The following NAV3 variants were observed in gnomAD, a reference collection of about 807,000 sequenced individuals.
The protein encoded by NAV3 is neuron navigator 3, also known as pore membrane and/or filament interacting like protein 1.
In NAV3, 87 loss-of-function variants were observed where a neutral mutation model predicts 244.7. The ratio of observed to expected loss-of-function variants is 0.36; its 90% CI spans 0.30 to 0.42. The LOEUF is 0.42. Ranked by LOEUF, NAV3 falls within the 20% of genes least tolerant of loss-of-function variation. The pLI is 1.00. For synonymous variants in NAV3, 1,126 were observed against 1,042.2 expected (o/e 1.08, Z -1.55); for missense variants, 2,663 against 2,893.3 (o/e 0.92, Z 1.83).
chr12:78,126,749 G>A (rs964504556), intron 16 of NAV3, among the ~76,000 whole-genome samples: 2 of 152,048 alleles, frequency 1.3e-5, no homozygotes, highest in East Asian at 1.9e-4. Context: ...ATTAAACAAT[G>A]TTTTATACCA....
chr12:77,638,306 C>T (rs1426521091), intron 2 of NAV3, among the ~76,000 whole-genome samples: 1 of 152,180 alleles, frequency 6.6e-6, no homozygotes, highest in African/African-American at 2.4e-5. Context: ...TGGGATTTCT[C>T]TTCATAGATC....
chr12:77,974,457 AT>A (rs200654335), intron 5 of NAV3, among the ~76,000 whole-genome samples: 2,307 of 142,010 alleles, frequency 0.016, 50 homozygotes, highest in African/African-American at 0.051. Flanking sequence ...GTTTATTATT[AT>A]TTTTTTTTTT....
intron 9 of NAV3, among the ~76,000 whole-genome samples, chr12:78,031,922 C>T (rs909786246): frequency 6.6e-6 from 1 of 151,796 alleles, no homozygotes; most frequent in African/African-American, 2.4e-5. Flanking sequence ...GAGAAGTGGT[C>T]TCTTTTTCCA....
intron 2 of NAV3, among the ~76,000 whole-genome samples, chr12:77,801,289 T>C (rs1435814374): frequency 6.6e-6 from 1 of 152,166 alleles, no homozygotes; most frequent in Non-Finnish European, 1.5e-5. Flanking sequence ...TTAAATATAC[T>C]GTCTTTTATA....
chr12:77,635,621 A>G (rs1872123412), intron 2 of NAV3, among the ~76,000 whole-genome samples: 1 of 152,222 alleles, frequency 6.6e-6, no homozygotes, highest in African/African-American at 2.4e-5. Context: ...ATTGGGACTG[A>G]TTAATTTATC....
In NAV3 at chr12:77,843,765, T is replaced by C. The variant is rs1876127084; in HGVS notation, c.243+12061T>C. On this transcript the variant is annotated intron_variant, in intron 1 of 39. Coordinates refer to ENST00000397909, the MANE Select transcript of NAV3 (RefSeq NM_001024383.2). ...CAAAAATATATCCAGACAATGCCAA[T>C]GCCAAACATCTCACAAAGGGCGGGG... Among the ~76,000 whole-genome samples the C allele has an allele frequency of 2.0e-5, 3 of 151,928 alleles. No homozygotes were observed. The South Asian group carries it at 6.2e-4, about 32-fold the overall frequency.
chr12:77,583,172 C>A (rs1042678209), intron 2 of NAV3, among the ~76,000 whole-genome samples: 1 of 152,234 alleles, frequency 6.6e-6, no homozygotes, highest in African/African-American at 2.4e-5. Flanking sequence ...ATCAATAATT[C>A]TGCCTGCTTT....
chr12:78,024,218 G>T (rs1877622196), intron 9 of NAV3, among the ~76,000 whole-genome samples: 1 of 151,954 alleles, frequency 6.6e-6, no homozygotes, highest in South Asian at 2.1e-4. Flanking sequence ...TAACTCCATT[G>T]CCTCTCTCTC....
chr12:78,026,016 A>G lies in NAV3; in HGVS notation c.2023+4154A>G, dbSNP rs186964977. Among the ~76,000 whole-genome samples the G allele has an allele frequency of 2.3e-3, 349 of 152,276 alleles. 1 individual carries two copies. The highest frequency in any genetic ancestry group is 7.6e-3 in the African/African-American group (317 of 41,568). ...AGATACTTGATTTTCAGAGTCATGT[A>G]TCCCCTCTGTTTTCCTCAAACCTTA... On this transcript the variant is annotated intron_variant, in intron 9 of 39. Transcript: ENST00000397909.
intron 2 of NAV3, among the ~76,000 whole-genome samples, chr12:77,642,285 A>G (rs1428525750): frequency 6.6e-6 from 1 of 151,868 alleles, no homozygotes; most frequent in Non-Finnish European, 1.5e-5. Context: ...ATCTTTAATT[A>G]TTATTTTTTT....
chr12:77,661,105 G>A (rs371109065), intron 2 of NAV3, among the ~76,000 whole-genome samples: 1 of 152,074 alleles, frequency 6.6e-6, no homozygotes, highest in Non-Finnish European at 1.5e-5. Flanking sequence ...TTTTTCTGGA[G>A]AGAGATTGTT....
chr12:78,190,074 A>G lies in NAV3; in HGVS notation c.6146A>G (p.His2049Arg). ...AGGTACTTTAACTTGTTGATGGAGC[A>G]TCACAGAATTATACTCTCAGGACCG... Reference protein sequence around the residue: ...TQRYFNLLMEHHRIILSGPSG... With the variant: ...TQRYFNLLMERHRIILSGPSG... Residue 2049 changes from histidine (H) to arginine (R), a missense_variant, in exon 34 of 40, where the codon CAT (histidine) becomes CGT (arginine). His to Arg is a conservative substitution (Grantham distance 29). Around this residue, in one of 6 missense-constraint regions of NAV3, gnomAD observed 543 missense variants for 672.4 expected, o/e 0.81. Coordinates refer to ENST00000397909, the MANE Select transcript of NAV3 (RefSeq NM_001024383.2). 6.2e-7 allele frequency: 1 copy of G among 1,613,250 alleles called. No homozygotes were observed.
rs948727252 is a variant in NAV3, at chr12:78,187,695, G to T, written c.5791-553G>T. ...ATAAATTCAAAATGGAACCTGTTTT[G>T]TAGGTATGCAAATACCTTATATTAT... On this transcript the variant is annotated intron_variant, in intron 31 of 39. Coordinates refer to ENST00000397909, the MANE Select transcript of NAV3 (RefSeq NM_001024383.2). 4.5e-4 allele frequency among the ~76,000 whole-genome samples: 69 copies of T among 151,820 alleles called. 1 individual carries two copies. The highest frequency in any genetic ancestry group is 2.0e-4 in the Admixed American group (3 of 15,176).
At chr12:78,116,602 C>A (rs1955391392) in intron 12 of NAV3, among the ~76,000 whole-genome samples, 170 bp from the exon 13 acceptor site, 2 of 152,056 alleles carry the variant, frequency 1.3e-5, no homozygotes, top group African/African-American at 4.8e-5. Context: ...TATGTAGACC[C>A]TCAGTTCATA....
chr12:77,635,552 A>G (rs2369830), intron 2 of NAV3, among the ~76,000 whole-genome samples: 15,884 of 152,100 alleles, frequency 0.1, 1,892 homozygotes, highest in African/African-American at 0.29. Flanking sequence ...AATACGGGGG[A>G]TGTTTTCAGA....
chr12:77,621,573 C>T (rs946763210), intron 2 of NAV3, among the ~76,000 whole-genome samples: 3 of 147,826 alleles, frequency 2.0e-5, no homozygotes, highest in Admixed American at 6.7e-5. Flanking sequence ...CTCCACCTCC[C>T]GTGTCAAGCG....
At chr12:77,741,163 A>G (rs1212155346) in intron 2 of NAV3, among the ~76,000 whole-genome samples, 2 of 148,946 alleles carry the variant, frequency 1.3e-5, no homozygotes, top group Admixed American at 6.7e-5. Context: ...AAAAAAAAAA[A>G]AAAGAAAAGA....
chr12:77,680,068 G>T (rs1874382454), intron 2 of NAV3, among the ~76,000 whole-genome samples: 1 of 152,156 alleles, frequency 6.6e-6, no homozygotes, highest in Non-Finnish European at 1.5e-5. Flanking sequence ...GAACAATAGA[G>T]ATTGCATGGT....
At chr12:78,047,074 C>A (rs1881931785) in intron 9 of NAV3, among the ~76,000 whole-genome samples, 1 of 151,994 alleles carries the variant, frequency 6.6e-6, no homozygotes, top group South Asian at 2.1e-4. Flanking sequence ...ATTTGCTTTC[C>A]ATTTGCTTGG....
Sources: gnomAD v4.1 joint callset for allele counts (sites outside exome capture counted in the v4.1 genomes callset) on GRCh38, gnomAD v4.1.1 for gene constraint, gnomAD v4.1.1 regional missense constraint, MANE v1.5 for transcripts, NCBI Gene and HGNC (gene_info 2026-07-23, HGNC 2026-07-21) for gene names.